Variants in PIWIL4 observed in about 807,000 individuals in gnomAD.
PIWIL4 encodes piwi like RNA-mediated gene silencing 4.
PIWIL4 carries 50 observed loss-of-function variants against 100.9 expected under a neutral mutation model. The ratio of observed to expected loss-of-function variants is 0.50; its 90% CI spans 0.39 to 0.63. The LOEUF (loss-of-function observed/expected upper bound fraction) is 0.63, where lower values mean the gene tolerates loss of function less well. PIWIL4 is among the 20% of genes least tolerant of loss of function. The pLI is 0.00. For missense variants in PIWIL4, 887 were observed against 1,043.3 expected (o/e 0.85, Z 2.06); for synonymous variants, 342 against 367.5 (o/e 0.93, Z 0.79).
chr11:94,621,075 C>A lies in PIWIL4; in HGVS notation c.*83C>A. 1.1e-6 allele frequency: 1 copy of A among 930,528 alleles called. No homozygotes were observed. Among genetic ancestry groups the A allele is most frequent in the Non-Finnish European group, 1.7e-6 (1 of 600,808 alleles). The allele number at this position is 930,528 out of a possible 1,614,324, so 57.6% of individuals were successfully genotyped here. ...GTGCAAATCTGCCATAAGCTCAAGG[C>A]TGTGACTGGGGAAAAAGATTGAGCT... On this transcript the variant is annotated 3_prime_UTR_variant, in exon 20 of 20. Coordinates refer to ENST00000299001, the MANE Select transcript of PIWIL4 (RefSeq NM_152431.3).
chr11:94,618,798 A>G (rs1381697395), intron 17 of PIWIL4, among the ~76,000 whole-genome samples: 3 of 152,334 alleles, frequency 2.0e-5, no homozygotes, highest in Non-Finnish European at 4.4e-5. Flanking sequence ...GGGTTACATC[A>G]TCATCATCAC....
intron 12 of PIWIL4, among the ~76,000 whole-genome samples, chr11:94,602,512 T>C (rs1223755101): frequency 1.3e-5 from 2 of 152,222 alleles, no homozygotes; most frequent in African/African-American, 2.4e-5. Flanking sequence ...CTTAGAATGT[T>C]TATTGAGTAC....
intron 14 of PIWIL4, 133 bp from the exon 15 acceptor site, chr11:94,608,449 TC>T: frequency 1.5e-6 from 1 of 675,780 alleles, no homozygotes. Context: ...CTCACGGATC[TC>T]AATCTCCCTT....
In PIWIL4 at chr11:94,579,858, C is replaced by T. The variant is rs35873248; in HGVS notation, c.513+2366C>T. On this transcript the variant is annotated intron_variant, in intron 4 of 19. Transcript: ENST00000299001. ...CTTCTCATACTTAAATGATATATTT[C>T]AAGTCTGTTGTTACCATTAAAAATG... is the stretch of plus-strand genomic sequence containing the variant. Among the ~76,000 whole-genome samples, 928 of 152,264 alleles carry T rather than the reference C, an allele frequency of 6.1e-3. 8 individuals are homozygous for T. The highest frequency in any genetic ancestry group is 0.014 in the African/African-American group (576 of 41,564).
Position 94,608,569 on chromosome 11 carries a change from A to T in PIWIL4, c.1840-14A>T. On this transcript the variant is annotated splice_polypyrimidine_tract_variant and intron_variant, in intron 14 of 19. Transcript: ENST00000299001. ...ACCTCATCCCATTAAATCATGACAA[A>T]TTTAATTTTATAGTTAAAGTCCCTG... 1 of 1,608,704 alleles carries T rather than the reference A, an allele frequency of 6.2e-7. No individual in the cohort carries two copies. Among genetic ancestry groups the T allele is most frequent in the Non-Finnish European group, 8.5e-7 (1 of 1,175,452 alleles).
rs762456398 is a variant in PIWIL4, at chr11:94,607,686, T to C, written c.1839+47T>C. On this transcript the variant is annotated intron_variant, in intron 14 of 19. Transcript: ENST00000299001. ...TTCTATTAGTAATTAATAAATTTAT[T>C]TTAAAGATTAAAGTAGGAGATGTTA... 6 of 1,528,392 alleles carry C rather than the reference T, an allele frequency of 3.9e-6. No homozygotes were observed. In the African/African-American group the frequency reaches 8.4e-5, roughly 21 times the overall value. The allele number at this position is 1,528,392 out of a possible 1,614,324, so 94.7% of individuals were successfully genotyped here.
intron 5 of PIWIL4, among the ~76,000 whole-genome samples, chr11:94,584,808 T>TA (rs1487311579): frequency 6.6e-6 from 1 of 152,146 alleles, no homozygotes; most frequent in Non-Finnish European, 1.5e-5. Context: ...CTCACACCTG[T>TA]AATCCCAGCA....
chr11:94,575,253 C>A (rs1439537506), intron 3 of PIWIL4, 123 bp downstream of exon 3: 3 of 1,046,078 alleles, frequency 2.9e-6, no homozygotes, highest in Non-Finnish European at 4.2e-6. Context: ...TGATTGTCTT[C>A]TATGTTCAAG....
intron 5 of PIWIL4, 80 bp downstream of exon 5, chr11:94,583,649 A>T (rs1948357994): frequency 6.4e-7 from 1 of 1,567,540 alleles, no homozygotes; most frequent in African/African-American, 1.4e-5. Flanking sequence ...ATAATCGACC[A>T]TTTTGTAGGC....
chr11:94,610,760 G>A (rs1197327002), intron 15 of PIWIL4, among the ~76,000 whole-genome samples: 1 of 152,032 alleles, frequency 6.6e-6, no homozygotes, highest in Non-Finnish European at 1.5e-5. Flanking sequence ...CTCCCATTAT[G>A]TAAGTTGCTT....
intron 5 of PIWIL4, among the ~76,000 whole-genome samples, chr11:94,584,396 C>T (rs547956322): frequency 6.6e-6 from 1 of 152,302 alleles, no homozygotes; most frequent in East Asian, 1.9e-4. Flanking sequence ...GTCCTAATTC[C>T]TAATTCCAGT....
At chr11:94,618,146 T>C in intron 17 of PIWIL4, 39 bp downstream of exon 17, 1 of 1,511,356 alleles carries the variant, frequency 6.6e-7, no homozygotes, top group Non-Finnish European at 8.9e-7. Context: ...CTCCCAATTA[T>C]AGCATATTCA....
At chr11:94,619,963 T>C (rs1320996588) in intron 18 of PIWIL4, 34 bp from the exon 19 acceptor site, 2 of 1,614,154 alleles carry the variant, frequency 1.2e-6, no homozygotes, top group Middle Eastern at 1.7e-4. Context: ...TCTGTTTGCC[T>C]TCTTTCCTAC....
At chr11:94,601,644 C>T (rs554188697) in intron 11 of PIWIL4, 151 bp from the exon 12 acceptor site, 97 of 733,232 alleles carry the variant, frequency 1.3e-4, no homozygotes, top group South Asian at 1.3e-4. Flanking sequence ...GTATTCTGTT[C>T]GGATGTGCAG....
At chr11:94,614,669 A>G (rs1248036158) in intron 15 of PIWIL4, among the ~76,000 whole-genome samples, 1 of 152,200 alleles carries the variant, frequency 6.6e-6, no homozygotes, top group Admixed American at 6.5e-5. Flanking sequence ...TTGAAGAATC[A>G]GTCATTTCTT....
chr11:94,569,370 T>G (rs1028432917), intron 2 of PIWIL4, among the ~76,000 whole-genome samples: 16 of 138,554 alleles, frequency 1.2e-4, no homozygotes, highest in African/African-American at 4.2e-4. Flanking sequence ...CTTTTGTTTT[T>G]TTTTTTTGTT....
intron 15 of PIWIL4, among the ~76,000 whole-genome samples, chr11:94,614,645 T>C (rs1948826359): frequency 6.6e-6 from 1 of 152,208 alleles, no homozygotes; most frequent in African/African-American, 2.4e-5. Flanking sequence ...AGTTTTGCAT[T>C]GCTGTCTTTG....
rs770380977 is a variant in PIWIL4 at position 94,608,639 on chromosome 11, C to T, written c.1896C>T (p.Asp632=). ...TCTGTAAAGATGCACTCAGCAAGGA[C>T]GTGATGGTTGTTGGATGCGTGGCCA... The part of the protein sequence containing the change: ...IDVCKDALSK[D]VMVVGCVASV... The change falls in exon 15 of 20, where the codon GAC becomes GAT. Residue 632 remains aspartate, a synonymous_variant. Coordinates refer to ENST00000299001, the MANE Select transcript of PIWIL4 (RefSeq NM_152431.3). The T allele has an allele frequency of 1.5e-5, 25 of 1,614,026 alleles. No homozygotes were observed. Among genetic ancestry groups the T allele is most frequent in the Admixed American group, 3.3e-5 (2 of 60,004 alleles).
chr11:94,589,768 C>T lies in PIWIL4; in HGVS notation c.1026+536C>T, dbSNP rs138233271. ...GCTCAGCCATCAAGTCTCAAGGGAG[C>T]CCCAAAGCATTCCTCCCAGAATCCC... On this transcript the variant is annotated intron_variant, in intron 8 of 19. Transcript: ENST00000299001. Among the ~76,000 whole-genome samples the T allele has an allele frequency of 4.9e-3, 739 of 152,226 alleles. 3 individuals carry two copies. The highest frequency in any genetic ancestry group is 5.8e-3 in the Non-Finnish European group (393 of 68,000).
Sources: gnomAD v4.1 joint callset for allele counts (sites outside exome capture counted in the v4.1 genomes callset) on GRCh38, gnomAD v4.1.1 for gene constraint, MANE v1.5 for transcripts, NCBI Gene and HGNC (gene_info 2026-07-23, HGNC 2026-07-21) for gene names.